The following MECOM variants were observed in gnomAD, a reference collection of about 807,000 sequenced individuals.
MECOM encodes histone-lysine N-methyltransferase MECOM.
Under a neutral mutation model 116.3 loss-of-function variants are expected in MECOM, and 13 were observed. The observed-to-expected ratio is 0.11, with a 90% CI of 0.07 to 0.18. The LOEUF (loss-of-function observed/expected upper bound fraction) is 0.18, where lower values mean the gene tolerates loss of function less well. Ranked by LOEUF, MECOM falls within the 10% of genes least tolerant of loss-of-function variation. MECOM has a pLI of 1.00. For missense variants in MECOM, 1,299 were observed against 1,509.0 expected (o/e 0.86, Z 2.31); for synonymous variants, 528 against 535.2 (o/e 0.99, Z 0.19).
At chr3:169,146,642 C>T (rs953417102) in intron 2 of MECOM, 2 of 1,362,836 alleles carry the variant, frequency 1.5e-6, no homozygotes, top group Non-Finnish European at 1.9e-6. Context: ...AGAAACGGTG[C>T]CCCGGCAGGA....
chr3:169,597,064 C>A (rs1044088034), intron 1 of MECOM, among the ~76,000 whole-genome samples: 1 of 152,148 alleles, frequency 6.6e-6, no homozygotes, highest in Non-Finnish European at 1.5e-5. Flanking sequence ...AAATATCTCA[C>A]TGAACTTCAG....
At chr3:169,584,421 C>T (rs951922153) in intron 1 of MECOM, among the ~76,000 whole-genome samples, 2 of 151,414 alleles carry the variant, frequency 1.3e-5, no homozygotes, top group African/African-American at 2.4e-5. Flanking sequence ...AAAAATTAGC[C>T]GGGCGTGGTG....
chr3:169,482,762 ACT>A (rs1408205392), intron 1 of MECOM, among the ~76,000 whole-genome samples: 2 of 151,982 alleles, frequency 1.3e-5, no homozygotes, highest in Non-Finnish European at 2.9e-5. Context: ...CTCTGAGCAG[ACT>A]CTTGATTTTT....
At chr3:169,266,374 G>A (rs190664788) in intron 2 of MECOM, among the ~76,000 whole-genome samples, 3 of 152,298 alleles carry the variant, frequency 2.0e-5, no homozygotes, top group Admixed American at 2.0e-4. Flanking sequence ...TACTTAACAT[G>A]GGTTGCAATT....
chr3:169,224,614 T>C (rs907156941), intron 2 of MECOM, among the ~76,000 whole-genome samples: 2 of 152,216 alleles, frequency 1.3e-5, no homozygotes, highest in African/African-American at 4.8e-5. Context: ...TGAGTGGCCA[T>C]TGGGGATGGG....
Position 169,086,381 on chromosome 3 carries a change from T to A in MECOM, c.3586-1338A>T, listed in dbSNP as rs1459302715. The stretch of plus-strand genomic sequence containing the variant: ...TTATCTATTCTGATTATGTACCTAC[T>A]TTTAGAGAACAAGATAAAGAGTACT... On this transcript the variant is annotated intron_variant, in intron 16 of 16. Transcript: ENST00000651503. 4 of 583,652 alleles carry A rather than the reference T, an allele frequency of 6.9e-6. No individual in the cohort carries two copies. In the South Asian group the frequency reaches 7.1e-5, roughly 10 times the overall value. The allele number at this position is 583,652 out of a possible 1,614,324, so 36.2% of individuals were successfully genotyped here.
intron 2 of MECOM, among the ~76,000 whole-genome samples, chr3:169,168,337 C>CTGTTTTTTT (rs1743924416): frequency 9.2e-6 from 1 of 108,464 alleles, no homozygotes; most frequent in Non-Finnish European, 1.9e-5. Flanking sequence ...ACTTGGCCTG[C>CTGTTTTTTT]TTTTTTTTTT....
At chr3:169,558,410 A>G (rs934831600) in intron 1 of MECOM, among the ~76,000 whole-genome samples, 4 of 152,192 alleles carry the variant, frequency 2.6e-5, no homozygotes, top group Non-Finnish European at 5.9e-5. Context: ...TGGAACCCTC[A>G]CCAGTAGACG....
rs548191859 is a variant in MECOM at position 169,479,817 on chromosome 3, G to A, written c.38-98293C>T. ...AAAGCTCTTGACAAGGCAGGAACGT[G>A]ACTAATATAATTGAGCACATACTCT... On this transcript the variant is annotated intron_variant, in intron 1 of 16. Coordinates refer to ENST00000651503, the MANE Select transcript of MECOM (RefSeq NM_004991.4). Among the ~76,000 whole-genome samples the A allele has an allele frequency of 1.1e-4, 17 of 152,286 alleles. No individual in the cohort carries two copies. In the South Asian group the frequency reaches 3.3e-3, roughly 30 times the overall value.
At chr3:169,131,331 A>G (rs1734615204) in intron 4 of MECOM, 98 bp downstream of exon 4, 2 of 1,065,724 alleles carry the variant, frequency 1.9e-6, no homozygotes, top group South Asian at 1.4e-5. Flanking sequence ...TTGAAAAGCC[A>G]GGGAAACTAA....
chr3:169,507,851 G>A (rs1166065283), intron 1 of MECOM, among the ~76,000 whole-genome samples: 3 of 150,260 alleles, frequency 2.0e-5, no homozygotes, highest in Non-Finnish European at 4.4e-5. Context: ...TGATAGAGAC[G>A]GGGTTTCACC....
chr3:169,260,857 T>C (rs1757448946), intron 2 of MECOM, among the ~76,000 whole-genome samples: 1 of 152,224 alleles, frequency 6.6e-6, no homozygotes, highest in Non-Finnish European at 1.5e-5. Flanking sequence ...TCAATGAATA[T>C]CATCACTGAA....
In MECOM at chr3:169,472,382, A is replaced by T. The variant is rs544398739; in HGVS notation, c.38-90858T>A. Among the ~76,000 whole-genome samples the T allele has an allele frequency of 7.4e-5, 11 of 148,156 alleles. No homozygotes were observed. The South Asian group carries it at 2.4e-3, about 32-fold the overall frequency. ...GGCAATATAGTGAGACCCCATCTCT[A>T]AAAAAAAGGAAAAATAATAGAGGAG... On this transcript the variant is annotated intron_variant, in intron 1 of 16. Coordinates refer to ENST00000651503, the MANE Select transcript of MECOM (RefSeq NM_004991.4).
At chr3:169,477,101 G>GTATATATATATA (rs1560326556) in intron 1 of MECOM, 4 of 51,650 alleles carry the variant, frequency 7.7e-5, no homozygotes, top group South Asian at 6.8e-4. Flanking sequence ...GTGTGTGTGT[G>GTATATATATATA]TGTGTATATA....
intron 1 of MECOM, among the ~76,000 whole-genome samples, chr3:169,637,980 A>C (rs1245912789): frequency 1.3e-5 from 2 of 152,244 alleles, no homozygotes; most frequent in Non-Finnish European, 2.9e-5. Flanking sequence ...CATGGAATGC[A>C]GTAATAAAGA....
At chr3:169,227,432 T>G (rs1752870354) in intron 2 of MECOM, among the ~76,000 whole-genome samples, 4 of 152,224 alleles carry the variant, frequency 2.6e-5, no homozygotes, top group Admixed American at 2.6e-4. Context: ...ACCAGAAATT[T>G]ATTTGCTAAA....
intron 1 of MECOM, among the ~76,000 whole-genome samples, chr3:169,653,542 C>T (rs1222081654): frequency 1.3e-5 from 2 of 152,078 alleles, no homozygotes; most frequent in Non-Finnish European, 2.9e-5. Context: ...AGTCAGTGTA[C>T]AGTATGGGTA....
intron 2 of MECOM, among the ~76,000 whole-genome samples, chr3:169,190,411 ATC>A (rs907817663): frequency 6.6e-6 from 1 of 152,010 alleles, no homozygotes; most frequent in Non-Finnish European, 1.5e-5. Flanking sequence ...CTATTTTATG[ATC>A]TATATCAGAT....
At chr3:169,277,174 T>C (rs1759698957) in intron 2 of MECOM, among the ~76,000 whole-genome samples, 1 of 152,206 alleles carries the variant, frequency 6.6e-6, no homozygotes, top group Admixed American at 6.5e-5. Context: ...ATATTATATC[T>C]GCCTCAATGT....
Sources: allele counts gnomAD v4.1 joint callset (sites outside exome capture counted in the v4.1 genomes callset), GRCh38; gene constraint gnomAD v4.1.1; transcripts MANE v1.5; gene names NCBI Gene and HGNC (gene_info 2026-07-23, HGNC 2026-07-21).